Variants in DOCK4 observed in about 807,000 individuals in gnomAD.
DOCK4 encodes dedicator of cytokinesis 4, also known as dedicator of cytokinesis protein 4.
Under a neutral mutation model 268.1 loss-of-function variants are expected in DOCK4, and 97 were observed. The ratio of observed to expected loss-of-function variants is 0.36; its 90% CI spans 0.31 to 0.43. The LOEUF (loss-of-function observed/expected upper bound fraction) is 0.43. Among genes scored for constraint, DOCK4 ranks in the 20% least tolerant of loss-of-function variants. DOCK4 has a pLI of 1.00. For missense variants in DOCK4, 2,145 were observed against 2,455.7 expected (o/e 0.87, Z 2.67); for synonymous variants, 954 against 887.2 (o/e 1.08, Z -1.34).
At chr7:111,990,297 A>ACC (rs1374259052) in intron 5 of DOCK4, among the ~76,000 whole-genome samples, 3 of 152,220 alleles carry the variant, frequency 2.0e-5, no homozygotes, top group African/African-American at 7.2e-5. Context: ...CCCAGAGACA[A>ACC]TAGAGTAAAT....
intron 8 of DOCK4, among the ~76,000 whole-genome samples, chr7:111,962,800 GAAAA>G (rs1797034099): frequency 6.6e-6 from 1 of 152,154 alleles, no homozygotes; most frequent in African/African-American, 2.4e-5. Flanking sequence ...GTGATGTTAG[GAAAA>G]ATACCTAGAA....
At chr7:111,853,458 G>A (rs2134129948) in intron 23 of DOCK4, among the ~76,000 whole-genome samples, 1 of 152,282 alleles carries the variant, frequency 6.6e-6, no homozygotes, top group Non-Finnish European at 1.5e-5. Flanking sequence ...AGCTGGGATG[G>A]GCCTCTGTGA....
At chr7:112,088,948 A>G (rs189293390) in intron 1 of DOCK4, among the ~76,000 whole-genome samples, 3 of 152,256 alleles carry the variant, frequency 2.0e-5, no homozygotes, top group Admixed American at 6.5e-5. Flanking sequence ...AGTGCTCAAT[A>G]CGTTGTCAAT....
At position 111,997,155 on chromosome 7, in the gene DOCK4, C is replaced by G. The variant is rs541650608; in HGVS notation, c.218+1293G>C. Among the ~76,000 whole-genome samples the G allele has an allele frequency of 5.9e-5, 9 of 152,256 alleles. No homozygotes were observed. The South Asian group carries it at 1.9e-3, about 32-fold the overall frequency. On this transcript the variant is annotated intron_variant, in intron 4 of 52. Coordinates refer to ENST00000428084, the MANE Select transcript of DOCK4 (RefSeq NM_001363540.2). ...TGGCTGGAGTGTATTCTGAAGTATC[C>G]TCTGGTTTACTGGAGGGAGGCTGAA...
At chr7:111,802,676 G>C (rs1800390572) in intron 30 of DOCK4, among the ~76,000 whole-genome samples, 1 of 151,832 alleles carries the variant, frequency 6.6e-6, no homozygotes, top group African/African-American at 2.4e-5. Flanking sequence ...GAGTACTTTT[G>C]AATCTCTTAA....
At chr7:112,197,189 T>C (rs1820524555) in intron 1 of DOCK4, among the ~76,000 whole-genome samples, 1 of 152,080 alleles carries the variant, frequency 6.6e-6, no homozygotes, top group South Asian at 2.1e-4. Flanking sequence ...GGGAACCTAG[T>C]GCCATCATAA....
At chr7:111,856,069 C>T (rs1804984394) in intron 23 of DOCK4, among the ~76,000 whole-genome samples, 1 of 152,160 alleles carries the variant, frequency 6.6e-6, no homozygotes, top group African/African-American at 2.4e-5. Context: ...GGGGAGACAG[C>T]AATTCCCACT....
chr7:111,926,758 C>T (rs911224831), intron 12 of DOCK4, among the ~76,000 whole-genome samples: 2 of 151,100 alleles, frequency 1.3e-5, no homozygotes, highest in Admixed American at 6.6e-5. Context: ...CACTTGAACC[C>T]GGGAGGCAGA....
chr7:112,122,095 T>C (rs556103777), intron 1 of DOCK4, among the ~76,000 whole-genome samples: 9 of 152,360 alleles, frequency 5.9e-5, no homozygotes, highest in Admixed American at 1.3e-4. Flanking sequence ...TTGATTCTCA[T>C]TTGCCATTGC....
chr7:111,769,909 C>G (rs767899404), intron 36 of DOCK4, among the ~76,000 whole-genome samples: 1 of 152,040 alleles, frequency 6.6e-6, no homozygotes, highest in African/African-American at 2.4e-5. Flanking sequence ...CCTGTATTTT[C>G]GTTTCTGTTT....
intron 11 of DOCK4, 137 bp from the exon 12 acceptor site, chr7:111,935,765 C>CTGCAA (rs1448165755): frequency 2.8e-6 from 2 of 704,714 alleles, no homozygotes; most frequent in East Asian, 5.4e-5. Context: ...CTGCAACTGA[C>CTGCAA]TGTCAGTTTT....
At chr7:111,874,556 G>C (rs986153910) in intron 17 of DOCK4, among the ~76,000 whole-genome samples, 1 of 152,186 alleles carries the variant, frequency 6.6e-6, no homozygotes, top group Non-Finnish European at 1.5e-5. Context: ...AATACTTCAA[G>C]TTCAGGCAAA....
rs1436543523 is a variant in DOCK4 at position 111,728,570 on chromosome 7, C to G, written c.5632G>C (p.Val1878Leu). The change falls in exon 53 of 53, where the codon GTG (valine) becomes CTG (leucine). Residue 1878 changes from valine (V) to leucine (L), a missense_variant. By Grantham distance (32) the Val-to-Leu change is conservative (BLOSUM62 1). Coordinates refer to ENST00000428084, the MANE Select transcript of DOCK4 (RefSeq NM_001363540.2). ...GGCAGGGGGGCCGACTGTTCATTCA[C>G]CTGATTTTCAAAGCCTGAGGTTTCC... ...TSETSGFENQ[V>L]NEQSAPLPVP... The G allele has an allele frequency of 6.2e-7, 1 of 1,614,024 alleles. No individual in the cohort carries two copies. Among genetic ancestry groups the G allele is most frequent in the Admixed American group, 1.7e-5 (1 of 60,036 alleles).
chr7:111,746,903 A>G (rs1338580569), intron 43 of DOCK4, among the ~76,000 whole-genome samples: 1 of 147,456 alleles, frequency 6.8e-6, no homozygotes, highest in Non-Finnish European at 1.5e-5. Context: ...TGCTGGGATT[A>G]CAGGTGTGAG....
intron 27 of DOCK4, among the ~76,000 whole-genome samples, 163 bp downstream of exon 27, chr7:111,822,199 C>G (rs570317558): frequency 6.6e-6 from 1 of 151,542 alleles, no homozygotes; most frequent in Non-Finnish European, 1.5e-5. Context: ...TTAATATATA[C>G]AAAGGAAATA....
intron 32 of DOCK4, among the ~76,000 whole-genome samples, chr7:111,786,079 T>C (rs142920858): frequency 6.6e-6 from 1 of 152,304 alleles, no homozygotes; most frequent in Non-Finnish European, 1.5e-5. Context: ...GAGTTAGAGA[T>C]GTAAGGTATG....
chr7:111,738,835 G>C (rs1795690306), intron 49 of DOCK4, among the ~76,000 whole-genome samples: 1 of 152,290 alleles, frequency 6.6e-6, no homozygotes, highest in South Asian at 2.1e-4. Context: ...CTACTCGGGA[G>C]GCTGAGACAG....
chr7:112,079,933 G>A (rs1199897066), intron 1 of DOCK4, among the ~76,000 whole-genome samples: 2 of 152,052 alleles, frequency 1.3e-5, no homozygotes, highest in East Asian at 3.9e-4. Flanking sequence ...TGAATAATGG[G>A]TATAAATCTT....
chr7:111,917,684 T>A (rs1355524420), intron 12 of DOCK4, among the ~76,000 whole-genome samples: 1 of 149,146 alleles, frequency 6.7e-6, no homozygotes, highest in Non-Finnish European at 1.5e-5. Context: ...GCAGCCTGGG[T>A]GACAGAGCGA....
Sources: allele counts gnomAD v4.1 joint callset (sites outside exome capture counted in the v4.1 genomes callset), GRCh38; gene constraint gnomAD v4.1.1; transcripts MANE v1.5; gene names NCBI Gene and HGNC (gene_info 2026-07-23, HGNC 2026-07-21).